XRRA1: variants seen among roughly 807,000 people sequenced by gnomAD.
XRRA1 encodes X-ray radiation resistance-associated protein 1.
In XRRA1, 69 loss-of-function variants were observed where a neutral mutation model predicts 80.2. The observed-to-expected ratio is 0.86, with a 90% CI of 0.71 to 1.05. XRRA1 has a LOEUF of 1.05. Among genes scored for constraint, XRRA1 ranks in the 50% least tolerant of loss-of-function variants. XRRA1 has a pLI of 0.00. For synonymous variants in XRRA1, 348 were observed against 389.9 expected (o/e 0.89, Z 1.27); for missense variants, 967 against 976.4 (o/e 0.99, Z 0.13).
chr11:74,867,875 C>A (rs923241354), intron 10 of XRRA1, among the ~76,000 whole-genome samples: 2 of 149,976 alleles, frequency 1.3e-5, no homozygotes, highest in African/African-American at 4.9e-5. Context: ...AACAGCAGAC[C>A]TTTCAGCACA....
chr11:74,849,335 C>T (rs1170043237), intron 14 of XRRA1, among the ~76,000 whole-genome samples: 1 of 152,132 alleles, frequency 6.6e-6, no homozygotes, highest in African/African-American at 2.4e-5. Context: ...GAGTTCCACC[C>T]AATGAAATGG....
chr11:74,889,241 G>A (rs1206356656), intron 10 of XRRA1, among the ~76,000 whole-genome samples: 4 of 152,066 alleles, frequency 2.6e-5, no homozygotes, highest in Non-Finnish European at 4.4e-5. Flanking sequence ...GAGAGTGGGG[G>A]CCAATATTCA....
chr11:74,885,727 C>T (rs1424220449), intron 10 of XRRA1, among the ~76,000 whole-genome samples: 2 of 152,152 alleles, frequency 1.3e-5, no homozygotes, highest in Non-Finnish European at 2.9e-5. Flanking sequence ...CCAGCATCAT[C>T]CTGATACCAA....
At position 74,843,939 on chromosome 11, in the gene XRRA1, T is replaced by A. The variant is rs1285176640; in HGVS notation, c.2064A>T (p.Pro688=). Residue 688 remains proline, a synonymous_variant, in exon 18 of 19, where the codon CCA becomes CCT. Transcript: ENST00000684022. ...GTTGGGCTCTAGTCTTCTTTGGGGG[T>A]GGAATCGGGATTCTCTGGGCCTGGC... is the stretch of plus-strand genomic sequence containing the variant. ...KEKRAQRIPI[P]PPKKTRAQLL... The A allele has an allele frequency of 6.2e-7, 1 of 1,613,462 alleles. No individual in the cohort carries two copies. The highest frequency in any genetic ancestry group is 1.3e-5 in the African/African-American group (1 of 74,988).
rs867147562 is a variant in XRRA1 at position 74,845,199 on chromosome 11, G to A, written c.1801C>T (p.Pro601Ser). 4.3e-6 allele frequency: 7 copies of A among 1,613,952 alleles called. No homozygotes were observed. In the Middle Eastern group the frequency reaches 4.9e-4, roughly 114 times the overall value. The change falls in exon 16 of 19, where the codon CCA becomes TCA. Residue 601 changes from proline (P) to serine (S), a missense_variant. Coordinates refer to ENST00000684022, the MANE Select transcript of XRRA1 (RefSeq NM_001378157.1). ...ELKEKDQKKP[P>S]TAPREVKGTR... Reference sequence around the variant, plus strand: ...CCTTTCACCTCTCTGGGTGCCGTTGGTGGTTTCTTTTGGTCTTTCTCCTTT... The same window carrying A: ...CCTTTCACCTCTCTGGGTGCCGTTGATGGTTTCTTTTGGTCTTTCTCCTTT...
chr11:74,925,801 AG>A (rs1276239087), intron 7 of XRRA1, among the ~76,000 whole-genome samples: 1 of 152,168 alleles, frequency 6.6e-6, no homozygotes, highest in East Asian at 1.9e-4. Context: ...TACTTGAAAC[AG>A]GGGTTTGAAA....
chr11:74,942,062 G>A (rs757831945), intron 2 of XRRA1, among the ~76,000 whole-genome samples: 5 of 152,004 alleles, frequency 3.3e-5, no homozygotes, highest in Admixed American at 1.3e-4. Context: ...GCAGTGAGCC[G>A]TGATCATGCC....
At position 74,842,031 on chromosome 11, in the gene XRRA1, CTGTT is replaced by C. The variant is rs1011022671; in HGVS notation, c.*1165_*1168del. On this transcript the variant is annotated 3_prime_UTR_variant, in exon 19 of 19. Transcript: ENST00000684022. ...TTTTTTTTTTTTTGAACCTGATACA[CTGTT>C]TGTTTACTCTCAACTCTTTGTACAA... The C allele has an allele frequency of 2.0e-5, 3 of 151,330 alleles. No homozygotes were observed. Among genetic ancestry groups the C allele is most frequent in the East Asian group, 1.9e-4 (1 of 5,166 alleles). 9.4% of individuals were successfully genotyped at this position (151,330 alleles called of 1,614,324 possible).
In XRRA1 at chr11:74,940,504, T is replaced by G. The variant is rs141988154; in HGVS notation, c.94+281A>C. On this transcript the variant is annotated intron_variant, in intron 3 of 18. Coordinates refer to ENST00000684022, the MANE Select transcript of XRRA1 (RefSeq NM_001378157.1). ...CAAGCACCGTGGAACAGAGCATAAA[T>G]AAAGAAATGGGTTATCACAGAGGAT... Among the ~76,000 whole-genome samples the G allele has an allele frequency of 5.3e-3, 804 of 152,146 alleles. 5 individuals carry two copies. Among genetic ancestry groups the G allele is most frequent in the African/African-American group, 0.018 (763 of 41,498 alleles).
chr11:74,925,822 A>T (rs1315484764), intron 7 of XRRA1, among the ~76,000 whole-genome samples: 2 of 152,146 alleles, frequency 1.3e-5, no homozygotes, highest in African/African-American at 4.8e-5. Flanking sequence ...ATGGTAGGGG[A>T]AGAAGACAAG....
chr11:74,890,615 C>T (rs2137250253), intron 10 of XRRA1, among the ~76,000 whole-genome samples: 1 of 152,242 alleles, frequency 6.6e-6, no homozygotes, highest in South Asian at 2.1e-4. Flanking sequence ...AATCCAGGAG[C>T]TGGTGTTTTG....
rs555223943 is a variant in XRRA1 at position 74,847,366 on chromosome 11, A to G, written c.1728+749T>C. ...AGGGAGAGGGATGGTACAGTAATAAAGTTCAAGGGGGCCCTGCCAACTCTT... is the reference window on the plus strand; with the variant it reads ...AGGGAGAGGGATGGTACAGTAATAAGGTTCAAGGGGGCCCTGCCAACTCTT... On this transcript the variant is annotated intron_variant, in intron 15 of 18. Transcript: ENST00000684022. Among the ~76,000 whole-genome samples the G allele has an allele frequency of 2.0e-5, 3 of 152,268 alleles. No individual in the cohort carries two copies. The South Asian group carries it at 6.2e-4, about 32-fold the overall frequency.
chr11:74,869,995 C>T (rs928197032), intron 10 of XRRA1, among the ~76,000 whole-genome samples: 4 of 152,188 alleles, frequency 2.6e-5, no homozygotes, highest in Non-Finnish European at 5.9e-5. Context: ...TTGTGGGGCC[C>T]ATCTGGGATC....
chr11:74,893,502 AT>A (rs1255284370), intron 10 of XRRA1, among the ~76,000 whole-genome samples: 1 of 152,116 alleles, frequency 6.6e-6, no homozygotes, highest in Non-Finnish European at 1.5e-5. Context: ...ATGTATATAT[AT>A]GTAACTAACC....
At chr11:74,859,438 C>T (rs1361952459) in intron 11 of XRRA1, among the ~76,000 whole-genome samples, 155 bp from the exon 12 acceptor site, 1 of 151,956 alleles carries the variant, frequency 6.6e-6, no homozygotes, top group Non-Finnish European at 1.5e-5. Context: ...GTAGATGTCG[C>T]CATCAGCCCA....
At chr11:74,908,740 C>T (rs924403576) in intron 8 of XRRA1, among the ~76,000 whole-genome samples, 8 of 151,914 alleles carry the variant, frequency 5.3e-5, no homozygotes, top group Non-Finnish European at 7.4e-5. Context: ...GGCGCCTATT[C>T]GGGAAAGGCA....
chr11:74,946,276 G>A (rs1349844087), intron 1 of XRRA1, among the ~76,000 whole-genome samples: 1 of 152,120 alleles, frequency 6.6e-6, no homozygotes, highest in Admixed American at 6.5e-5. Context: ...GCACTAACAT[G>A]GTTAGGCTTT....
intron 12 of XRRA1, among the ~76,000 whole-genome samples, chr11:74,855,428 T>C (rs2040863699): frequency 6.6e-6 from 1 of 152,184 alleles, no homozygotes; most frequent in South Asian, 2.1e-4. Flanking sequence ...ACTCAGGTCA[T>C]GTGTGTGGTA....
chr11:74,907,530 G>A (rs1565379249), intron 8 of XRRA1, among the ~76,000 whole-genome samples: 1 of 152,186 alleles, frequency 6.6e-6, no homozygotes, highest in Non-Finnish European at 1.5e-5. Flanking sequence ...AACCAGGTTA[G>A]GGCAGGATGG....
Sources: allele counts gnomAD v4.1 joint callset (sites outside exome capture counted in the v4.1 genomes callset), GRCh38; gene constraint gnomAD v4.1.1; transcripts MANE v1.5; gene names NCBI Gene and HGNC (gene_info 2026-07-23, HGNC 2026-07-21).